SEMA3A: variants seen among roughly 807,000 people sequenced by gnomAD.
SEMA3A encodes semaphorin-3A.
Under a neutral mutation model 97.9 loss-of-function variants are expected in SEMA3A, and 29 were observed. The observed-to-expected ratio is 0.30, with a 90% CI of 0.22 to 0.40. The LOEUF (loss-of-function observed/expected upper bound fraction) is 0.40. Ranked by LOEUF, SEMA3A falls within the 10% of genes least tolerant of loss-of-function variation. The pLI is 1.00. For synonymous variants in SEMA3A, 321 were observed against 323.7 expected, an observed-to-expected ratio of 0.99 and a Z score of 0.09; for missense variants, 763 against 951.3, an observed-to-expected ratio of 0.80 and a Z score of 2.60.
At chr7:83,969,428 G>A (rs930444220) in intron 15 of SEMA3A, among the ~76,000 whole-genome samples, 43 of 151,994 alleles carry the variant, frequency 2.8e-4, no homozygotes, top group African/African-American at 8.5e-4. Context: ...TTTTAATCTG[G>A]TTTATTCCCC....
chr7:83,974,199 G>A (rs932724122), intron 15 of SEMA3A, among the ~76,000 whole-genome samples: 42 of 152,036 alleles, frequency 2.8e-4, no homozygotes, highest in Non-Finnish European at 5.1e-4. Context: ...CCAGCCACCG[G>A]CGACAGAGGA....
intron 1 of SEMA3A, among the ~76,000 whole-genome samples, chr7:84,440,161 A>G (rs1805237379): frequency 6.6e-6 from 1 of 152,192 alleles, no homozygotes; most frequent in African/African-American, 2.4e-5. Flanking sequence ...CTAGACAACA[A>G]TTACAATGGC....
intron 4 of SEMA3A, among the ~76,000 whole-genome samples, chr7:84,100,463 A>G (rs1280496207): frequency 6.6e-6 from 1 of 152,170 alleles, no homozygotes; most frequent in Admixed American, 6.6e-5. Flanking sequence ...AAATGAAGAT[A>G]CTGAGAGTAG....
intron 1 of SEMA3A, among the ~76,000 whole-genome samples, chr7:84,486,577 T>A (rs890177486): frequency 6.6e-6 from 1 of 152,180 alleles, no homozygotes. Context: ...ACTTTACAAA[T>A]AGTTTTGCAA....
chr7:84,054,465 C>T (rs921430318), intron 5 of SEMA3A, among the ~76,000 whole-genome samples: 80 of 152,190 alleles, frequency 5.3e-4, no homozygotes, highest in Non-Finnish European at 9.3e-4. Flanking sequence ...CATCTTCCAT[C>T]GCTGATACCC....
chr7:84,352,910 A>G (rs1802469649), intron 2 of SEMA3A, among the ~76,000 whole-genome samples: 1 of 151,834 alleles, frequency 6.6e-6, no homozygotes, highest in Non-Finnish European at 1.5e-5. Flanking sequence ...TATGAATAAG[A>G]ATCTTTGGAT....
chr7:84,485,377 A>AT (rs36033736), intron 1 of SEMA3A, among the ~76,000 whole-genome samples: 82 of 145,916 alleles, frequency 5.6e-4, no homozygotes, highest in Middle Eastern at 3.7e-3. Flanking sequence ...TATTTTATGT[A>AT]TTTTTTTTTT....
chr7:84,294,057 T>A (rs1472794211), intron 3 of SEMA3A, among the ~76,000 whole-genome samples: 3 of 152,080 alleles, frequency 2.0e-5, no homozygotes, highest in Admixed American at 6.6e-5. Context: ...AAATATTCAA[T>A]AATATGGATC....
At chr7:84,062,758 T>C (rs573097236) in intron 4 of SEMA3A, among the ~76,000 whole-genome samples, 56 of 152,248 alleles carry the variant, frequency 3.7e-4, no homozygotes, top group South Asian at 8.3e-4. Context: ...GCACCTGGCT[T>C]GGAGGGTCCT....
chr7:84,027,365 T>C (rs988111417), intron 6 of SEMA3A, among the ~76,000 whole-genome samples: 2 of 152,224 alleles, frequency 1.3e-5, no homozygotes, highest in African/African-American at 4.8e-5. Flanking sequence ...TTTTCAAATA[T>C]ATTTCACGAG....
chr7:84,062,813 C>G (rs1424002094), intron 4 of SEMA3A, among the ~76,000 whole-genome samples: 4 of 152,104 alleles, frequency 2.6e-5, no homozygotes, highest in Non-Finnish European at 5.9e-5. Context: ...AGTCTGAGAT[C>G]AAACTACAAG....
chr7:84,358,496 G>T (rs1212082776), intron 2 of SEMA3A, among the ~76,000 whole-genome samples: 3 of 151,954 alleles, frequency 2.0e-5, no homozygotes, highest in Non-Finnish European at 4.4e-5. Flanking sequence ...ATTGGTCTCT[G>T]TCTCTGTTTT....
rs1329345466 is a variant in SEMA3A, at chr7:83,981,472, G to A, written c.1501C>T (p.Leu501=). 2 of 1,598,140 alleles carry A rather than the reference G, an allele frequency of 1.3e-6. No individual in the cohort carries two copies. The highest frequency in any genetic ancestry group is 1.7e-6 in the Non-Finnish European group (2 of 1,173,332). ...ACCCCAGCCGTTGAACCAATATATA[G>A]TTGTTGCTGTGGAAAGAGTTTACTG... ...AMELSTKQQQ[L]YIGSTAGVAQ... is the part of the protein sequence containing the mutation. Residue 501 remains leucine, a synonymous_variant, in exon 14 of 17, where the codon CTA becomes TTA. Transcript: ENST00000265362.
intron 2 of SEMA3A, among the ~76,000 whole-genome samples, chr7:84,363,260 A>T (rs1683143220): frequency 1.3e-5 from 2 of 152,088 alleles, no homozygotes; most frequent in South Asian, 4.1e-4. Flanking sequence ...CAAAGAACTG[A>T]TTCATTAAGT....
At chr7:84,246,242 C>T (rs1434272659) in intron 3 of SEMA3A, among the ~76,000 whole-genome samples, 2 of 152,118 alleles carry the variant, frequency 1.3e-5, no homozygotes, top group Non-Finnish European at 2.9e-5. Context: ...CTATCCTGCC[C>T]AGGAATACAA....
chr7:84,210,801 A>C (rs1798607739), intron 3 of SEMA3A, among the ~76,000 whole-genome samples: 1 of 152,140 alleles, frequency 6.6e-6, no homozygotes, highest in South Asian at 2.1e-4. Flanking sequence ...AACAATATAC[A>C]CCATGTTTCT....
At chr7:84,230,005 T>C (rs922077417) in intron 3 of SEMA3A, among the ~76,000 whole-genome samples, 2 of 151,980 alleles carry the variant, frequency 1.3e-5, no homozygotes, top group Non-Finnish European at 2.9e-5. Flanking sequence ...CTCAGTTCTC[T>C]TCAGTCAACA....
chr7:84,086,883 T>TTA (rs1407441690), intron 4 of SEMA3A, among the ~76,000 whole-genome samples: 2 of 150,974 alleles, frequency 1.3e-5, no homozygotes, highest in Admixed American at 6.7e-5. Flanking sequence ...AACTTTATAA[T>TTA]GCATGCTTTC....
chr7:84,438,067 T>A (rs1306119244), intron 1 of SEMA3A, among the ~76,000 whole-genome samples: 2 of 152,004 alleles, frequency 1.3e-5, no homozygotes, highest in African/African-American at 4.8e-5. Flanking sequence ...TTGCAAGAAT[T>A]ATATATTTTC....
Sources: allele counts gnomAD v4.1 joint callset (sites outside exome capture counted in the v4.1 genomes callset), GRCh38; gene constraint gnomAD v4.1.1; transcripts MANE v1.5; gene names NCBI Gene and HGNC (gene_info 2026-07-23, HGNC 2026-07-21).